BLTP1: variants seen among roughly 807,000 people sequenced by gnomAD.
The protein encoded by BLTP1 is fragile site-associated protein.
At chr4:122,177,779 T>C in the BLTP1 span, 3 of 152,122 alleles carry the variant, frequency 2.0e-5, no homozygotes, top group African/African-American at 7.2e-5. Context: ...CAATGAAGCT[T>C]TTCCTGAATA....
the BLTP1 span, among the ~76,000 whole-genome samples, chr4:122,317,288 C>T: frequency 6.6e-5 from 10 of 151,396 alleles, no homozygotes; most frequent in South Asian, 1.0e-3. Context: ...GCCAAGATTG[C>T]GCCATTGCAC....
At chr4:122,275,844 G>A in the BLTP1 span, 2 of 1,121,702 alleles carry the variant, frequency 1.8e-6, no homozygotes, top group Non-Finnish European at 2.3e-6. Context: ...GTACTTTAAA[G>A]GAACATTTTA....
the BLTP1 span, chr4:122,197,178 A>AT: frequency 1.0e-6 from 1 of 1,003,564 alleles, no homozygotes; most frequent in South Asian, 1.8e-5. Flanking sequence ...ATATGAATTA[A>AT]TTTTTTTCTT....
At chr4:122,359,143 C>T in the BLTP1 span, among the ~76,000 whole-genome samples, 17 of 151,002 alleles carry the variant, frequency 1.1e-4, no homozygotes, top group Middle Eastern at 0.01. Context: ...TGCTAAATGA[C>T]GAGTTAATGG....
the BLTP1 span, chr4:122,211,247 T>G: frequency 3.0e-6 from 2 of 670,714 alleles, no homozygotes; most frequent in Non-Finnish European, 5.0e-6. Flanking sequence ...GGTGCTAGAC[T>G]CAATTACAAA....
chr4:122,190,435 A>G, the BLTP1 span: 10 of 977,368 alleles, frequency 1.0e-5, no homozygotes, highest in African/African-American at 3.5e-5. Flanking sequence ...CTACAATTCT[A>G]TTTCTTCTAT....
the BLTP1 span, chr4:122,328,086 T>A: frequency 6.6e-7 from 1 of 1,508,108 alleles, no homozygotes; most frequent in Non-Finnish European, 9.0e-7. Flanking sequence ...GATTCATGTT[T>A]TTTCTTTTTA....
At chr4:122,154,951 T>A in the BLTP1 span, 3 of 939,244 alleles carry the variant, frequency 3.2e-6, no homozygotes, top group Admixed American at 1.9e-4. Context: ...ATGGCTGAAC[T>A]CAAGTATATT....
the BLTP1 span, among the ~76,000 whole-genome samples, chr4:122,279,044 C>T: frequency 6.6e-6 from 1 of 152,178 alleles, no homozygotes; most frequent in Admixed American, 6.5e-5. Flanking sequence ...TCTCCCATTA[C>T]AATTCTTTGA....
chr4:122,318,388 T>C, the BLTP1 span: 6 of 789,818 alleles, frequency 7.6e-6, no homozygotes, highest in South Asian at 9.8e-5. Flanking sequence ...CATTAAATCC[T>C]AACAACAAAC....
chr4:122,235,253 G>T, the BLTP1 span: 1 of 662,296 alleles, frequency 1.5e-6, no homozygotes, highest in East Asian at 1.4e-4. Context: ...TTCTGTTGAC[G>T]TGGGTGGCTT....
At chr4:122,261,443 C>G in the BLTP1 span, 41 of 984,560 alleles carry the variant, frequency 4.2e-5, no homozygotes, top group Non-Finnish European at 4.9e-5. Context: ...ATCTTTTTTG[C>G]CTGTGTAGTC....
chr4:122,314,608 A>G, the BLTP1 span, among the ~76,000 whole-genome samples: 1 of 152,152 alleles, frequency 6.6e-6, no homozygotes, highest in Non-Finnish European at 1.5e-5. Context: ...GATTAAGGTT[A>G]GTAGATTGCC....
At chr4:122,276,133 G>A in the BLTP1 span, 2 of 938,906 alleles carry the variant, frequency 2.1e-6, no homozygotes, top group South Asian at 2.5e-5. Flanking sequence ...TTGTTTTGTA[G>A]CTGTAATATA....
At chr4:122,199,679 T>C in the BLTP1 span, among the ~76,000 whole-genome samples, 1 of 152,194 alleles carries the variant, frequency 6.6e-6, no homozygotes, top group African/African-American at 2.4e-5. Context: ...ATACATGTTT[T>C]TGGCCTGAAA....
At chr4:122,342,668 T>C in the BLTP1 span, among the ~76,000 whole-genome samples, 236 of 152,244 alleles carry the variant, frequency 1.6e-3, 1 homozygote, top group Non-Finnish European at 2.5e-3. Context: ...TGAGCTGTTT[T>C]CATGGAAGTA....
At chr4:122,158,762 C>G in the BLTP1 span, among the ~76,000 whole-genome samples, 2 of 151,948 alleles carry the variant, frequency 1.3e-5, no homozygotes, top group Non-Finnish European at 2.9e-5. Flanking sequence ...CACAGCGAGA[C>G]TCCGTCTCAA....
chr4:122,160,793 A>G, the BLTP1 span, among the ~76,000 whole-genome samples: 1,929 of 152,252 alleles, frequency 0.013, 15 homozygotes, highest in Non-Finnish European at 0.021. Flanking sequence ...TTGTTTTGGT[A>G]TTTACTGAGA....
At chr4:122,236,722 A>G in the BLTP1 span, 1 of 918,146 alleles carries the variant, frequency 1.1e-6, no homozygotes, top group Middle Eastern at 5.6e-4. Flanking sequence ...CTGATGTGAA[A>G]TGAGGAAAAT....
Sources: gnomAD v4.1 joint callset for allele counts (sites outside exome capture counted in the v4.1 genomes callset) on GRCh38, gnomAD v4.1.1 for gene constraint, MANE v1.5 for transcripts, NCBI Gene and HGNC (gene_info 2026-07-23, HGNC 2026-07-21) for gene names.